KCTD8: variants seen among roughly 807,000 people sequenced by gnomAD.
KCTD8 encodes the protein potassium channel tetramerization domain containing 8.
Under a neutral mutation model 31.5 loss-of-function variants are expected in KCTD8, and 27 were observed. That is an observed-to-expected ratio of 0.86 (90% confidence interval 0.63 to 1.18). The LOEUF is 1.18. KCTD8 is among the 50% of genes most tolerant of loss of function. The pLI, the probability that KCTD8 is intolerant of heterozygous loss-of-function variation, is 0.00. For missense variants in KCTD8, 658 were observed against 647.7 expected (o/e 1.02, Z -0.17); for synonymous variants, 290 against 280.0 (o/e 1.04, Z -0.36).
intron 1 of KCTD8, among the ~76,000 whole-genome samples, chr4:44,270,716 C>T (rs1391529596): frequency 6.6e-6 from 1 of 152,044 alleles, no homozygotes; most frequent in African/African-American, 2.4e-5. Context: ...GGGTCGTTGG[C>T]AACCATGCTA....
intron 1 of KCTD8, among the ~76,000 whole-genome samples, chr4:44,253,279 T>A (rs1419052624): frequency 6.6e-6 from 1 of 151,758 alleles, no homozygotes; most frequent in Non-Finnish European, 1.5e-5. Context: ...ATGAGACAGT[T>A]TTTTTTTCTT....
At position 44,448,311 on chromosome 4, in the gene KCTD8, G is replaced by T; in HGVS notation, c.213C>A (p.Ala71=). The T allele has an allele frequency of 1.9e-6, 3 of 1,606,094 alleles. No homozygotes were observed. The highest frequency in any genetic ancestry group is 1.7e-6 in the Non-Finnish European group (2 of 1,177,130). ...GGGGACTAGAGGGCGAGAACATGCT[G>T]GCCAAAGTACTGTCCGGGACGCTGA... ...TLLSVPDSTL[A]SMFSPSSPRG... The change falls in exon 1 of 2, where the codon GCC becomes GCA. Residue 71 remains alanine (A), a synonymous_variant. Coordinates refer to ENST00000360029, the MANE Select transcript of KCTD8 (RefSeq NM_198353.3). This position sits in a 1 kb window ranked among gnomAD's most constrained non-coding sequence, Gnocchi z 4.1.
intron 1 of KCTD8, among the ~76,000 whole-genome samples, chr4:44,298,407 C>T (rs1176429076): frequency 7.9e-6 from 1 of 125,936 alleles, no homozygotes; most frequent in African/African-American, 2.6e-5. Flanking sequence ...TAATGATCTG[C>T]CCCCCCCACC....
At chr4:44,379,744 T>C (rs1398788079) in intron 1 of KCTD8, among the ~76,000 whole-genome samples, 1 of 152,086 alleles carries the variant, frequency 6.6e-6, no homozygotes, top group Non-Finnish European at 1.5e-5. Context: ...GAATTAAGTA[T>C]TGTTGCCAAG....
chr4:44,360,609 A>C (rs1428069774), intron 1 of KCTD8, among the ~76,000 whole-genome samples: 1 of 152,184 alleles, frequency 6.6e-6, no homozygotes, highest in Non-Finnish European at 1.5e-5. Context: ...AACCAGGAGC[A>C]TCGAGAAAAC....
chr4:44,309,466 A>T (rs931779110), intron 1 of KCTD8, among the ~76,000 whole-genome samples: 18 of 152,206 alleles, frequency 1.2e-4, no homozygotes, highest in African/African-American at 4.3e-4. Flanking sequence ...TCTTTGGAAG[A>T]TATATCTTTT....
chr4:44,338,605 G>A (rs1022514245), intron 1 of KCTD8, among the ~76,000 whole-genome samples: 1 of 152,200 alleles, frequency 6.6e-6, no homozygotes, highest in Non-Finnish European at 1.5e-5. Context: ...ATGGATGTGT[G>A]CGTGAGTGAT....
intron 1 of KCTD8, among the ~76,000 whole-genome samples, chr4:44,242,497 G>A (rs2109357639): frequency 6.6e-6 from 1 of 152,224 alleles, no homozygotes; most frequent in Non-Finnish European, 1.5e-5. Context: ...AGAATGGCGT[G>A]AACCCGGGAG....
chr4:44,357,683 C>G (rs1719379158), intron 1 of KCTD8, among the ~76,000 whole-genome samples: 1 of 152,038 alleles, frequency 6.6e-6, no homozygotes, highest in Non-Finnish European at 1.5e-5. Context: ...GTGAATACTA[C>G]ATATAATGGT....
intron 1 of KCTD8, among the ~76,000 whole-genome samples, chr4:44,401,153 A>G (rs1322983685): frequency 1.3e-5 from 2 of 150,840 alleles, no homozygotes; most frequent in East Asian, 3.9e-4. Context: ...ATGCCCAGCC[A>G]ATTTTTTTAA....
chr4:44,261,064 T>C (rs963933611), intron 1 of KCTD8, among the ~76,000 whole-genome samples: 9 of 152,016 alleles, frequency 5.9e-5, no homozygotes, highest in African/African-American at 1.2e-4. Flanking sequence ...AGACTTCAGC[T>C]CTACTTTGAA....
At chr4:44,407,857 G>A (rs536321343) in intron 1 of KCTD8, among the ~76,000 whole-genome samples, 31 of 152,024 alleles carry the variant, frequency 2.0e-4, no homozygotes, top group Non-Finnish European at 3.4e-4. Flanking sequence ...CATTATAATC[G>A]GAATAGTTTC....
intron 1 of KCTD8, among the ~76,000 whole-genome samples, chr4:44,313,170 C>G (rs1190164742): frequency 6.6e-6 from 1 of 152,154 alleles, no homozygotes; most frequent in East Asian, 1.9e-4. Flanking sequence ...TCTGTATCTG[C>G]GATCTGCCCA....
intron 1 of KCTD8, among the ~76,000 whole-genome samples, chr4:44,325,452 ATTACT>A (rs1264364014): frequency 5.9e-5 from 9 of 152,002 alleles, no homozygotes; most frequent in Non-Finnish European, 1.2e-4. Flanking sequence ...TATTTGATAA[ATTACT>A]TTAAATAGGC....
chr4:44,415,352 T>G (rs940889052), intron 1 of KCTD8, among the ~76,000 whole-genome samples: 1 of 152,228 alleles, frequency 6.6e-6, no homozygotes, highest in Admixed American at 6.5e-5. Flanking sequence ...AGGCTGGCCC[T>G]GTGGTAGAGA....
chr4:44,188,554 G>C (rs1488546504), intron 1 of KCTD8, among the ~76,000 whole-genome samples: 1 of 152,166 alleles, frequency 6.6e-6, no homozygotes, highest in African/African-American at 2.4e-5. Flanking sequence ...TTCCATAAAA[G>C]ATAGCAGGCC....
At chr4:44,253,869 C>A (rs761582967) in intron 1 of KCTD8, among the ~76,000 whole-genome samples, 9 of 151,796 alleles carry the variant, frequency 5.9e-5, no homozygotes, top group Non-Finnish European at 1.0e-4. Context: ...AGAAATTGAT[C>A]CTGCAAGTGG....
At chr4:44,249,434 C>A (rs902215786) in intron 1 of KCTD8, among the ~76,000 whole-genome samples, 7 of 151,450 alleles carry the variant, frequency 4.6e-5, no homozygotes, top group Non-Finnish European at 3.0e-5. Flanking sequence ...TACTCTATAC[C>A]AAGCATTGGC....
chr4:44,320,821 T>TAAA (rs35748647), intron 1 of KCTD8, among the ~76,000 whole-genome samples: 2,264 of 136,236 alleles, frequency 0.017, 26 homozygotes, highest in Middle Eastern at 0.031. Flanking sequence ...TCCTGATTCT[T>TAAA]AAAAAAAAAA....
Sources: gnomAD v4.1 joint callset for allele counts (sites outside exome capture counted in the v4.1 genomes callset) on GRCh38, gnomAD v4.1.1 for gene constraint, Gnocchi (gnomAD v3.1) non-coding constraint, MANE v1.5 for transcripts, NCBI Gene and HGNC (gene_info 2026-07-23, HGNC 2026-07-21) for gene names.